Variants in PCDHGB3 observed in about 807,000 individuals in gnomAD.
The protein encoded by PCDHGB3 is protocadherin gamma subfamily B, 3.
Under a neutral mutation model 59.2 loss-of-function variants are expected in PCDHGB3, and 40 were observed. The observed-to-expected ratio is 0.68, with a 90% CI of 0.52 to 0.88. The LOEUF (loss-of-function observed/expected upper bound fraction) is 0.88. Ranked by LOEUF, PCDHGB3 falls within the 40% of genes least tolerant of loss-of-function variation. PCDHGB3 has a pLI of 0.00. For missense variants in PCDHGB3, 1,309 were observed against 1,187.9 expected (o/e 1.10, Z -1.50); for synonymous variants, 581 against 503.6 (o/e 1.15, Z -2.06).
chr5:141,383,476 G>A, intron 1 of PCDHGB3: 1 of 1,613,748 alleles, frequency 6.2e-7, no homozygotes, highest in Non-Finnish European at 8.5e-7. Flanking sequence ...TAAGTACCCG[G>A]AACTGGTGCT....
At chr5:141,426,720 A>T (rs1448232477) in intron 1 of PCDHGB3, 4 of 447,600 alleles carry the variant, frequency 8.9e-6, no homozygotes, top group Non-Finnish European at 1.8e-5. Flanking sequence ...TGAACTAGCA[A>T]TTCCAGGCAT....
At chr5:141,422,187 T>A in intron 1 of PCDHGB3, 1 of 1,561,762 alleles carries the variant, frequency 6.4e-7, no homozygotes, top group South Asian at 1.2e-5. Context: ...AGATGGAAAT[T>A]CAAGGCCAAG....
Position 141,491,963 on chromosome 5 carries a change from C to A in PCDHGB3, c.2416-2844C>A. ...CCCCCACCCCTACACTCAAAAAAGG[C>A]CGGGGCCTCCTTCGAGCTTCCGGTG... On this transcript the variant is annotated intron_variant, in intron 1 of 3. Coordinates refer to ENST00000576222, the MANE Select transcript of PCDHGB3 (RefSeq NM_018924.5). This position sits in a 1 kb window ranked among gnomAD's most constrained non-coding sequence, Gnocchi z 6.9. 2 of 944,828 alleles carry A rather than the reference C, an allele frequency of 2.1e-6. No homozygotes were observed. Among genetic ancestry groups the A allele is most frequent in the Non-Finnish European group, 3.0e-6 (2 of 670,874 alleles). 58.5% of individuals were successfully genotyped at this position (944,828 alleles called of 1,614,324 possible).
chr5:141,441,364 CGT>C (rs1283671958), intron 1 of PCDHGB3: 1 of 152,528 alleles, frequency 6.6e-6, no homozygotes, highest in African/African-American at 2.4e-5. Context: ...CAAATGGGGC[CGT>C]GGACCAGGAA....
chr5:141,419,549 T>C, intron 1 of PCDHGB3: 1 of 1,612,006 alleles, frequency 6.2e-7, no homozygotes, highest in Non-Finnish European at 8.5e-7. Context: ...GCGGGTGCTG[T>C]ACCCTGCGCT....
intron 1 of PCDHGB3, chr5:141,400,483 C>G (rs748464990): frequency 1.4e-5 from 22 of 1,613,902 alleles, no homozygotes; most frequent in Non-Finnish European, 1.7e-5. Context: ...GGCCTTATTT[C>G]CACTTTGTAA....
intron 1 of PCDHGB3, chr5:141,409,594 C>A: frequency 1.2e-6 from 2 of 1,613,900 alleles, no homozygotes; most frequent in Non-Finnish European, 1.7e-6. Flanking sequence ...TGGCCGAGAA[C>A]AACCCGCCAG....
chr5:141,494,705 G>C, intron 1 of PCDHGB3, 102 bp from the exon 2 acceptor site: 1 of 1,597,990 alleles, frequency 6.3e-7, no homozygotes, highest in Non-Finnish European at 8.6e-7. Flanking sequence ...TTTCTTCTCT[G>C]TGCCCACTCC....
In PCDHGB3 at chr5:141,502,614, T is replaced by C. The variant is rs534996288; in HGVS notation, c.2475-2779T>C. Among the ~76,000 whole-genome samples the C allele has an allele frequency of 7.2e-5, 11 of 152,316 alleles. No homozygotes were observed. In the East Asian group the frequency reaches 1.7e-3, roughly 24 times the overall value. ...AGATATTTTAAAATATTTGTGAAAATATAAGTAATCTGTGGATGATACTTT... is the reference window on the plus strand; with the variant it reads ...AGATATTTTAAAATATTTGTGAAAACATAAGTAATCTGTGGATGATACTTT... On this transcript the variant is annotated intron_variant, in intron 2 of 3. Transcript: ENST00000576222.
intron 1 of PCDHGB3, chr5:141,409,824 C>A (rs1265260597): frequency 6.2e-7 from 1 of 1,610,742 alleles, no homozygotes; most frequent in Non-Finnish European, 8.5e-7. Flanking sequence ...GGCTCGCCCA[C>A]GCTCAGCGCC....
intron 2 of PCDHGB3, among the ~76,000 whole-genome samples, chr5:141,499,298 C>A (rs1239333151): frequency 6.6e-6 from 1 of 152,210 alleles, no homozygotes; most frequent in African/African-American, 2.4e-5. Context: ...ACACTACCAT[C>A]CCTCCTCTGA....
chr5:141,469,762 A>G (rs547099941), intron 1 of PCDHGB3, among the ~76,000 whole-genome samples: 15 of 152,360 alleles, frequency 9.8e-5, no homozygotes, highest in African/African-American at 3.4e-4. Flanking sequence ...ATACATATAT[A>G]CCAGCTTATT....
intron 1 of PCDHGB3, chr5:141,385,006 G>T (rs762264055): frequency 1.2e-6 from 2 of 1,614,090 alleles, no homozygotes; most frequent in Admixed American, 3.3e-5. Flanking sequence ...AGTCTCCTGC[G>T]TCTTCCTAGC....
In PCDHGB3 at chr5:141,376,671, G is replaced by T. The variant is rs541543618; in HGVS notation, c.2415+3862G>T. Reference sequence around the variant, plus strand: ...GGAAGACTCCCTTGTTCAGGTGAGGGTATCGTTTTTTTTTTTTTTTTTTTT... The same window carrying T: ...GGAAGACTCCCTTGTTCAGGTGAGGTTATCGTTTTTTTTTTTTTTTTTTTT... On this transcript the variant is annotated intron_variant, in intron 1 of 3. Transcript: ENST00000576222. The T allele has an allele frequency of 4.4e-4, 244 of 553,734 alleles. 1 individual carries two copies. The East Asian group carries it at 5.1e-3, about 12-fold the overall frequency. 34.3% of individuals were successfully genotyped at this position (553,734 alleles called of 1,614,324 possible).
At position 141,477,068 on chromosome 5, in the gene PCDHGB3, C is replaced by A; in HGVS notation, c.2416-17739C>A. 6.2e-7 allele frequency: 1 copy of A among 1,614,268 alleles called. No homozygotes were observed. The highest frequency in any genetic ancestry group is 8.5e-7 in the Non-Finnish European group (1 of 1,180,046). On this transcript the variant is annotated intron_variant, in intron 1 of 3. Transcript: ENST00000576222. This position sits in a 1 kb window ranked among gnomAD's most constrained non-coding sequence, Gnocchi z 4.9. ...GCTGGACTTCGAGGACACCAAACTCCATGAGATTTACATCCAGGCCAAAGA... is the reference window on the plus strand; with the variant it reads ...GCTGGACTTCGAGGACACCAAACTCAATGAGATTTACATCCAGGCCAAAGA...
rs773609097 is a variant in PCDHGB3 at position 141,408,614 on chromosome 5, A to C, written c.2415+35805A>C. 2.2e-5 allele frequency: 36 copies of C among 1,614,008 alleles called. No individual in the cohort carries two copies. Among genetic ancestry groups the C allele is most frequent in the Non-Finnish European group, 3.1e-5 (36 of 1,179,890 alleles). On this transcript the variant is annotated intron_variant, in intron 1 of 3. Coordinates refer to ENST00000576222, the MANE Select transcript of PCDHGB3 (RefSeq NM_018924.5). The stretch of plus-strand genomic sequence containing the variant: ...CGCCCCTCAATTTGATAAAAAGGAA[A>C]TACATTTAGAAATTTTCGAATCTGC...
Position 141,431,581 on chromosome 5 carries a change from T to C in PCDHGB3, c.2415+58772T>C. The C allele has an allele frequency of 1.2e-6, 2 of 1,614,160 alleles. No individual in the cohort carries two copies. Among genetic ancestry groups the C allele is most frequent in the Non-Finnish European group, 1.7e-6 (2 of 1,180,022 alleles). ...CTACCGACCCTGACGAAGGAGTCAA[T>C]GCGGAAGTGAGGTATTCCTTCCGGT... On this transcript the variant is annotated intron_variant, in intron 1 of 3. Transcript: ENST00000576222. This position sits in a 1 kb window ranked among gnomAD's most constrained non-coding sequence, Gnocchi z 4.8.
At position 141,372,634 on chromosome 5, in the gene PCDHGB3, C is replaced by G; in HGVS notation, c.2240C>G (p.Thr747Ser). Reference sequence around the variant, plus strand: ...GTTCTCCCCACCTACAGCGAAAGGACTTTGCCTTATTCCTACAATCCGTGT... The same window carrying G: ...GTTCTCCCCACCTACAGCGAAAGGAGTTTGCCTTATTCCTACAATCCGTGT... ...PGVLPTYSER[T>S]LPYSYNPCAA... Residue 747 changes from threonine to serine, a missense_variant, in exon 1 of 4, where the codon ACT becomes AGT. Thr to Ser is a moderately conservative substitution (Grantham distance 58). Transcript: ENST00000576222. 1 of 1,614,012 alleles carries G rather than the reference C, an allele frequency of 6.2e-7. No individual in the cohort carries two copies. The highest frequency in any genetic ancestry group is 8.5e-7 in the Non-Finnish European group (1 of 1,179,854).
chr5:141,400,789 C>G (rs1415192979), intron 1 of PCDHGB3: 1 of 561,844 alleles, frequency 1.8e-6, no homozygotes, highest in Non-Finnish European at 3.1e-6. Context: ...TTTTTGTCCT[C>G]TTTCTCAAAG....
Sources: gnomAD v4.1 joint callset for allele counts (sites outside exome capture counted in the v4.1 genomes callset) on GRCh38, gnomAD v4.1.1 for gene constraint, Gnocchi (gnomAD v3.1) non-coding constraint, MANE v1.5 for transcripts, NCBI Gene and HGNC (gene_info 2026-07-23, HGNC 2026-07-21) for gene names.